Variants in GPHN observed in about 807,000 individuals in gnomAD.
GPHN encodes the protein gephyrin.
GPHN carries 17 observed loss-of-function variants against 95.5 expected under a neutral mutation model. That is an observed-to-expected ratio of 0.18 (90% CI 0.12 to 0.27). The LOEUF is 0.27. Among genes scored for constraint, GPHN ranks in the 10% least tolerant of loss-of-function variants. The pLI is 1.00. For synonymous variants in GPHN, 320 were observed against 322.5 expected (o/e 0.99, Z 0.08); for missense variants, 660 against 978.1 (o/e 0.67, Z 4.34).
At chr14:66,823,198 T>A (rs139915670) in intron 3 of GPHN, 2,092 of 152,290 alleles carry the variant, frequency 0.014, 24 homozygotes, top group South Asian at 0.028. Context: ...GATGGAGTTT[T>A]GCCATGTTGG....
chr14:66,933,768 ATTC>A (rs2066951375), intron 8 of GPHN, among the ~76,000 whole-genome samples: 1 of 152,278 alleles, frequency 6.6e-6, no homozygotes, highest in East Asian at 1.9e-4. Context: ...TATTTGCAGA[ATTC>A]TTTCAAGGTA....
At chr14:66,873,022 C>T (rs1336679530) in intron 4 of GPHN, among the ~76,000 whole-genome samples, 20 of 152,228 alleles carry the variant, frequency 1.3e-4, no homozygotes. Flanking sequence ...CAGTCTGCAA[C>T]GCCCAGCAAG....
chr14:66,921,914 A>C (rs2066237858), intron 6 of GPHN, among the ~76,000 whole-genome samples: 1 of 152,192 alleles, frequency 6.6e-6, no homozygotes, highest in African/African-American at 2.4e-5. Flanking sequence ...TCAAAAACTT[A>C]GAGCCAACTG....
intron 4 of GPHN, among the ~76,000 whole-genome samples, chr14:66,873,114 C>T (rs138202187): frequency 0.012 from 1,833 of 152,240 alleles, 19 homozygotes; most frequent in Non-Finnish European, 0.018. Context: ...ACAGTGGGTG[C>T]AGCCCATGGA....
At chr14:66,960,071 A>G (rs1185930742) in intron 8 of GPHN, among the ~76,000 whole-genome samples, 1 of 151,580 alleles carries the variant, frequency 6.6e-6, no homozygotes. Context: ...TAGAATTTGT[A>G]TTTGGTTTCT....
At chr14:67,214,159 C>G in the GPHN span, among the ~76,000 whole-genome samples, 1 of 152,150 alleles carries the variant, frequency 6.6e-6, no homozygotes, top group Admixed American at 6.5e-5. Flanking sequence ...TGCAGAAGCT[C>G]TTTAGTTTAA....
the GPHN span, among the ~76,000 whole-genome samples, chr14:67,293,440 G>T: frequency 6.6e-6 from 1 of 152,128 alleles, no homozygotes; most frequent in African/African-American, 2.4e-5. Context: ...GCCAACATGA[G>T]CAGAAAATGG....
intron 2 of GPHN, among the ~76,000 whole-genome samples, chr14:66,710,668 A>G (rs79309098): frequency 6.6e-6 from 1 of 152,304 alleles, no homozygotes; most frequent in East Asian, 1.9e-4. Context: ...AATAATCGAG[A>G]TGAAAGAAGC....
the GPHN span, among the ~76,000 whole-genome samples, chr14:67,512,184 C>T: frequency 1.3e-5 from 2 of 152,194 alleles, no homozygotes; most frequent in African/African-American, 2.4e-5. Flanking sequence ...TCTCACACAC[C>T]ACAGCCAGTG....
At chr14:67,724,413 G>A in the GPHN span, 6 of 840,640 alleles carry the variant, frequency 7.1e-6, no homozygotes, top group Admixed American at 2.1e-5. Context: ...TTTTTTTAAC[G>A]TATCTTAGTG....
chr14:67,212,430 A>C, the GPHN span, among the ~76,000 whole-genome samples: 1 of 151,492 alleles, frequency 6.6e-6, no homozygotes, highest in South Asian at 2.1e-4. Context: ...TCTACAAAAA[A>C]AATACAAAAA....
chr14:67,598,178 CA>C, the GPHN span, among the ~76,000 whole-genome samples: 1 of 152,070 alleles, frequency 6.6e-6, no homozygotes, highest in Non-Finnish European at 1.5e-5. Flanking sequence ...CTCTCATAAA[CA>C]GTTTTGAATA....
chr14:67,301,886 C>A, the GPHN span: 2 of 1,363,732 alleles, frequency 1.5e-6, no homozygotes, highest in South Asian at 1.7e-5. Flanking sequence ...ATTTAATGGT[C>A]AGAATACTAT....
the GPHN span, chr14:67,200,363 A>G: frequency 3.2e-6 from 2 of 628,810 alleles, no homozygotes; most frequent in South Asian, 1.9e-5. Context: ...CATCTTCCCA[A>G]TATCTTTTCG....
intron 4 of GPHN, among the ~76,000 whole-genome samples, chr14:66,850,234 T>A (rs914476117): frequency 5.9e-5 from 9 of 152,182 alleles, no homozygotes; most frequent in East Asian, 3.8e-4. Context: ...GCAGTCATTT[T>A]AAAAAATACC....
chr14:66,957,624 A>G (rs2068615646), intron 8 of GPHN, among the ~76,000 whole-genome samples: 1 of 152,210 alleles, frequency 6.6e-6, no homozygotes, highest in African/African-American at 2.4e-5. Context: ...GTATATCCTC[A>G]TGTTCACTTC....
At position 66,675,555 on chromosome 14, in the gene GPHN, A is replaced by G. The variant is rs561575447; in HGVS notation, c.65-5552A>G. On this transcript the variant is annotated intron_variant, in intron 1 of 22. Coordinates refer to ENST00000478722, the MANE Select transcript of GPHN (RefSeq NM_020806.5). Reference sequence around the variant, plus strand: ...ATTTGCAAATATTTTCTTTCATTCAACAGACTATATTTCTTTACTCTGTTG... The same window carrying G: ...ATTTGCAAATATTTTCTTTCATTCAGCAGACTATATTTCTTTACTCTGTTG... Among the ~76,000 whole-genome samples, 4 of 152,214 alleles carry G rather than the reference A, an allele frequency of 2.6e-5. No individual in the cohort carries two copies. In the East Asian group the frequency reaches 7.7e-4, roughly 29 times the overall value.
the GPHN span, among the ~76,000 whole-genome samples, chr14:67,517,516 A>T: frequency 6.6e-6 from 1 of 152,202 alleles, no homozygotes; most frequent in Admixed American, 6.5e-5. Context: ...TAATATTTTC[A>T]TCCTTTAGCA....
At chr14:66,826,695 G>C (rs1371238006) in intron 4 of GPHN, among the ~76,000 whole-genome samples, 1 of 152,182 alleles carries the variant, frequency 6.6e-6, no homozygotes, top group Non-Finnish European at 1.5e-5. Context: ...TTTAGGAATA[G>C]CCAAATGCAG....
Sources: allele counts gnomAD v4.1 joint callset (sites outside exome capture counted in the v4.1 genomes callset), GRCh38; gene constraint gnomAD v4.1.1; transcripts MANE v1.5; gene names NCBI Gene and HGNC (gene_info 2026-07-23, HGNC 2026-07-21).